The following FCER1A variants were observed in gnomAD, a reference collection of about 807,000 sequenced individuals.
FCER1A encodes the protein Fc epsilon receptor Ia, also known as high affinity immunoglobulin epsilon receptor subunit alpha.
FCER1A carries 24 observed loss-of-function variants against 23.6 expected under a neutral mutation model. That is an observed-to-expected ratio of 1.02 (90% CI 0.74 to 1.43). The LOEUF (loss-of-function observed/expected upper bound fraction) is 1.43. Ranked by LOEUF, FCER1A falls within the 40% of genes most tolerant of loss-of-function variation. FCER1A has a pLI of 0.00. For synonymous variants in FCER1A, 121 were observed against 108.8 expected (o/e 1.11, Z -0.70); for missense variants, 318 against 294.5 (o/e 1.08, Z -0.58).
At chr1:159,290,187 C>T (rs1033181747) in intron 1 of FCER1A, among the ~76,000 whole-genome samples, 4 of 152,102 alleles carry the variant, frequency 2.6e-5, no homozygotes, top group Non-Finnish European at 5.9e-5. Context: ...CCGCCCACTC[C>T]AGAGCCTCTT....
At chr1:159,292,259 T>A (rs1652171765) in intron 1 of FCER1A, among the ~76,000 whole-genome samples, 2 of 152,144 alleles carry the variant, frequency 1.3e-5, no homozygotes, top group Admixed American at 6.6e-5. Context: ...TGTAACTGCC[T>A]ATTTAGCACA....
chr1:159,283,959 G>A, the FCER1A span, among the ~76,000 whole-genome samples: 4 of 152,182 alleles, frequency 2.6e-5, no homozygotes, highest in African/African-American at 7.2e-5. Context: ...GGTCGCTGAT[G>A]AAGGAGATGT....
At chr1:159,305,907 C>T in intron 3 of FCER1A, 81 bp from the exon 4 acceptor site, 1 of 1,244,052 alleles carries the variant, frequency 8.0e-7, no homozygotes, top group Non-Finnish European at 1.1e-6. Flanking sequence ...GACACATGCT[C>T]TATGCGTGGC....
At chr1:159,304,830 G>A (rs1026460168) in intron 3 of FCER1A, among the ~76,000 whole-genome samples, 1 of 152,038 alleles carries the variant, frequency 6.6e-6, no homozygotes, top group African/African-American at 2.4e-5. Flanking sequence ...TCTGGAATAG[G>A]ATCAAAAGGT....
intron 4 of FCER1A, 47 bp downstream of exon 4, chr1:159,306,292 G>A: frequency 6.3e-7 from 1 of 1,589,548 alleles, no homozygotes; most frequent in Non-Finnish European, 8.6e-7. Flanking sequence ...GGGGAAGGAA[G>A]AGAGAACTTC....
chr1:159,308,052 A>G lies in FCER1A; in HGVS notation c.*120A>G. On this transcript the variant is annotated 3_prime_UTR_variant, in exon 5 of 5. Coordinates refer to ENST00000693622, the MANE Select transcript of FCER1A (RefSeq NM_001387280.1). ...ACGTCTGTGCTCAAGGATTTATAGA[A>G]ATGCTTCATTAAACTGAGTGAAACT... 1.5e-6 allele frequency: 1 copy of G among 667,920 alleles called. No homozygotes were observed. Among genetic ancestry groups the G allele is most frequent in the Non-Finnish European group, 2.4e-6 (1 of 415,618 alleles). The allele number at this position is 667,920 out of a possible 1,614,324, so 41.4% of individuals were successfully genotyped here.
chr1:159,302,021 T>C (rs2427827), upstream of FCER1A, among the ~76,000 whole-genome samples: 98,794 of 152,104 alleles, frequency 0.65, 34,046 homozygotes, highest in African/African-American at 0.89. Flanking sequence ...TTTATTCTGC[T>C]CTCCCTTGCA....
chr1:159,306,294 G>A, intron 4 of FCER1A, 49 bp downstream of exon 4: 1 of 1,580,278 alleles, frequency 6.3e-7, no homozygotes, highest in South Asian at 1.2e-5. Flanking sequence ...GGAAGGAAGA[G>A]AGAACTTCTG....
chr1:159,288,241 C>G (rs1652065086), upstream of FCER1A, among the ~76,000 whole-genome samples: 1 of 152,134 alleles, frequency 6.6e-6, no homozygotes, highest in South Asian at 2.1e-4. Context: ...AGTAATGTCT[C>G]AGAGACTGGT....
intron 4 of FCER1A, among the ~76,000 whole-genome samples, chr1:159,306,825 G>A (rs1255201551): frequency 2.0e-5 from 3 of 152,152 alleles, no homozygotes; most frequent in African/African-American, 7.2e-5. Context: ...TTATAAGAGA[G>A]GGAGCCTGTG....
intron 1 of FCER1A, among the ~76,000 whole-genome samples, chr1:159,295,939 A>G (rs1652283805): frequency 6.6e-6 from 1 of 152,220 alleles, no homozygotes; most frequent in African/African-American, 2.4e-5. Flanking sequence ...GTGGTGCTCA[A>G]TGATGCTAGA....
At chr1:159,290,914 T>C (rs902489003) in intron 1 of FCER1A, among the ~76,000 whole-genome samples, 1 of 152,206 alleles carries the variant, frequency 6.6e-6, no homozygotes, top group Non-Finnish European at 1.5e-5. Context: ...CACATATTGC[T>C]ATGCACATGG....
At chr1:159,294,713 T>G (rs1234809606) in intron 1 of FCER1A, among the ~76,000 whole-genome samples, 1 of 152,188 alleles carries the variant, frequency 6.6e-6, no homozygotes, top group East Asian at 1.9e-4. Context: ...AAATATATGA[T>G]GAAGAATGTT....
At chr1:159,288,120 T>C (rs1047851839), upstream of FCER1A, among the ~76,000 whole-genome samples, 1 of 152,222 alleles carries the variant, frequency 6.6e-6, no homozygotes, top group Non-Finnish European at 1.5e-5. Context: ...CATTTTAATA[T>C]ATGAATTGCT....
intron 1 of FCER1A, 138 bp from the exon 2 acceptor site, chr1:159,302,716 C>A: frequency 2.5e-6 from 2 of 815,726 alleles, no homozygotes; most frequent in Non-Finnish European, 4.2e-6. Flanking sequence ...CTCTTTCTTC[C>A]CCTGATTCTG....
chr1:159,302,135 G>C (rs1310471851), upstream of FCER1A, among the ~76,000 whole-genome samples: 4 of 152,160 alleles, frequency 2.6e-5, no homozygotes, highest in Non-Finnish European at 5.9e-5. Context: ...CCAGATTCCA[G>C]GTGTATATGT....
At chr1:159,290,950 C>T (rs907410976) in intron 1 of FCER1A, among the ~76,000 whole-genome samples, 1 of 152,264 alleles carries the variant, frequency 6.6e-6, no homozygotes, top group African/African-American at 2.4e-5. Context: ...TCAAGAAATA[C>T]ATTGCAGTTT....
chr1:159,305,454 C>A (rs1652572095), intron 3 of FCER1A, among the ~76,000 whole-genome samples: 3 of 152,274 alleles, frequency 2.0e-5, no homozygotes, highest in African/African-American at 7.2e-5. Flanking sequence ...TAGAACTAGA[C>A]AGGGTCCCTG....
upstream of FCER1A, among the ~76,000 whole-genome samples, chr1:159,301,910 T>A (rs1352658780): frequency 6.6e-6 from 1 of 152,230 alleles, no homozygotes; most frequent in Non-Finnish European, 1.5e-5. Context: ...ATAGTGATAG[T>A]ATGTACTTTA....
Sources: allele counts gnomAD v4.1 joint callset (sites outside exome capture counted in the v4.1 genomes callset), GRCh38; gene constraint gnomAD v4.1.1; transcripts MANE v1.5; gene names NCBI Gene and HGNC (gene_info 2026-07-23, HGNC 2026-07-21).